The following STXBP5L variants were observed in gnomAD, a reference collection of about 807,000 sequenced individuals.
The protein encoded by STXBP5L is syntaxin binding protein 5L, also known as syntaxin-binding protein 5-like.
STXBP5L carries 65 observed loss-of-function variants against 144.5 expected under a neutral mutation model. The ratio of observed to expected loss-of-function variants is 0.45; its 90% CI spans 0.37 to 0.55. The LOEUF (loss-of-function observed/expected upper bound fraction) is 0.55, where lower values mean the gene tolerates loss of function less well. Ranked by LOEUF, STXBP5L falls within the 20% of genes least tolerant of loss-of-function variation. The probability of loss-of-function intolerance (pLI) is 0.00; values close to 1 mark genes in which losing one functional copy is unlikely to be tolerated. For synonymous variants in STXBP5L, 505 were observed against 469.6 expected, an observed-to-expected ratio of 1.08 and a Z score of -0.97; for missense variants, 1,298 against 1,405.5, an observed-to-expected ratio of 0.92 and a Z score of 1.22.
intron 2 of STXBP5L, among the ~76,000 whole-genome samples, chr3:120,914,450 T>C (rs953692009): frequency 1.3e-5 from 2 of 152,060 alleles, no homozygotes; most frequent in African/African-American, 4.8e-5. Flanking sequence ...TCTGACATAA[T>C]ATCAGATCGT....
At chr3:121,002,133 T>A (rs1225930553) in intron 3 of STXBP5L, among the ~76,000 whole-genome samples, 1 of 152,218 alleles carries the variant, frequency 6.6e-6, no homozygotes, top group African/African-American at 2.4e-5. Context: ...CTTTTTACTG[T>A]TTTCCAAAAT....
intron 9 of STXBP5L, among the ~76,000 whole-genome samples, chr3:121,198,250 T>C (rs2047999403): frequency 6.6e-6 from 1 of 152,242 alleles, no homozygotes; most frequent in Non-Finnish European, 1.5e-5. Context: ...CCAGTGATGA[T>C]GAACCTTTTT....
intron 19 of STXBP5L, among the ~76,000 whole-genome samples, chr3:121,300,646 G>A (rs1035287158): frequency 2.0e-5 from 3 of 151,912 alleles, no homozygotes; most frequent in African/African-American, 7.3e-5. Context: ...GAGAGGTGTA[G>A]CTAAGAAGCC....
At chr3:121,116,302 G>A (rs976461581) in intron 6 of STXBP5L, among the ~76,000 whole-genome samples, 3 of 152,128 alleles carry the variant, frequency 2.0e-5, no homozygotes, top group South Asian at 4.2e-4. Flanking sequence ...GAAGCTTGAC[G>A]CTGGAAATAA....
At position 121,421,241 on chromosome 3, in the gene STXBP5L, T is replaced by C. The variant is rs2047346993; in HGVS notation, c.*2144T>C. The C allele has an allele frequency of 6.6e-6, 1 of 152,178 alleles. No homozygotes were observed. Among genetic ancestry groups the C allele is most frequent in the Admixed American group, 6.5e-5 (1 of 15,270 alleles). The allele number at this position is 152,178 out of a possible 1,614,324, so 9.4% of individuals were successfully genotyped here. On this transcript the variant is annotated 3_prime_UTR_variant, in exon 27 of 27. Coordinates refer to ENST00000471454, the MANE Select transcript of STXBP5L (RefSeq NM_001308330.2). The stretch of plus-strand genomic sequence containing the variant: ...CTAAAAGAGTAAAATATTAGTTTAT[T>C]TTAGAAATAATGAAATTCAGTCCAA...
At chr3:121,287,759 G>A (rs1325900447) in intron 19 of STXBP5L, among the ~76,000 whole-genome samples, 1 of 151,916 alleles carries the variant, frequency 6.6e-6, no homozygotes, top group Non-Finnish European at 1.5e-5. Flanking sequence ...AACCCAGGAG[G>A]CAGAGGTTGC....
In STXBP5L at chr3:121,255,644, CTCA is replaced by C. The variant is rs555216966; in HGVS notation, c.1659+536_1659+538del. Among the ~76,000 whole-genome samples, 183 of 151,952 alleles carry C rather than the reference CTCA, an allele frequency of 1.2e-3. 1 individual carries two copies. Among genetic ancestry groups the C allele is most frequent in the Non-Finnish European group, 2.3e-3 (157 of 67,828 alleles). On this transcript the variant is annotated intron_variant, in intron 16 of 26. Coordinates refer to ENST00000471454, the MANE Select transcript of STXBP5L (RefSeq NM_001308330.2). ...TTTAAGTTTATCTGATTTGTATTTT[CTCA>C]TCAACTGTTTGACATAAATAATTAT...
At chr3:121,131,011 G>A (rs2044962240) in intron 7 of STXBP5L, among the ~76,000 whole-genome samples, 1 of 151,930 alleles carries the variant, frequency 6.6e-6, no homozygotes, top group Admixed American at 6.6e-5. Context: ...AGAAAATAAA[G>A]CAAAAGGAAA....
chr3:121,066,630 A>G lies in STXBP5L; in HGVS notation c.470+21095A>G, dbSNP rs536724412. Among the ~76,000 whole-genome samples the G allele has an allele frequency of 3.3e-5, 5 of 152,198 alleles. No homozygotes were observed. The South Asian group carries it at 1.0e-3, about 32-fold the overall frequency. On this transcript the variant is annotated intron_variant, in intron 5 of 26. Coordinates refer to ENST00000471454, the MANE Select transcript of STXBP5L (RefSeq NM_001308330.2). ...CTGGGTTTGCTAATATTTTGCTAAT[A>G]AGTTGAGATTTTAATCTCTATGTTC...
At chr3:121,065,265 G>T (rs1298071224) in intron 5 of STXBP5L, among the ~76,000 whole-genome samples, 1 of 152,060 alleles carries the variant, frequency 6.6e-6, no homozygotes, top group Non-Finnish European at 1.5e-5. Context: ...CCAGTAATGG[G>T]ATTGCTGGGT....
intron 7 of STXBP5L, among the ~76,000 whole-genome samples, chr3:121,127,102 T>C (rs2044742799): frequency 1.3e-5 from 2 of 148,580 alleles, no homozygotes; most frequent in Admixed American, 6.6e-5. Flanking sequence ...GAACAATTAA[T>C]TACTGATTTA....
intron 3 of STXBP5L, among the ~76,000 whole-genome samples, chr3:120,960,083 G>A (rs561163209): frequency 5.8e-4 from 88 of 152,110 alleles, no homozygotes; most frequent in African/African-American, 8.2e-4. Flanking sequence ...CAACCCCATC[G>A]AAAAGTGGGC....
intron 3 of STXBP5L, among the ~76,000 whole-genome samples, chr3:121,011,255 A>C (rs1199363279): frequency 1.3e-5 from 2 of 151,364 alleles, no homozygotes; most frequent in Admixed American, 1.3e-4. Context: ...TCTCTGAATC[A>C]GTAAAATCCC....
chr3:121,354,508 C>CTTTTTTTTTTTT (rs145703750), intron 20 of STXBP5L, among the ~76,000 whole-genome samples: 8 of 67,542 alleles, frequency 1.2e-4, no homozygotes, highest in Non-Finnish European at 1.6e-4. Flanking sequence ...TGCAACCCTG[C>CTTTTTTTTTTTT]TTTTTTTTTT....
chr3:121,303,092 G>C (rs1407698198), intron 19 of STXBP5L, among the ~76,000 whole-genome samples: 2 of 152,052 alleles, frequency 1.3e-5, no homozygotes, highest in East Asian at 1.9e-4. Context: ...GAGTGAACAG[G>C]CAACCTACAA....
intron 3 of STXBP5L, among the ~76,000 whole-genome samples, chr3:121,030,478 A>T (rs1018058531): frequency 1.3e-5 from 2 of 152,146 alleles, no homozygotes; most frequent in African/African-American, 2.4e-5. Flanking sequence ...GAGTTGAACA[A>T]TGAGAACACA....
chr3:121,159,627 C>CTTT (rs1161847567), intron 9 of STXBP5L, among the ~76,000 whole-genome samples: 100 of 121,946 alleles, frequency 8.2e-4, no homozygotes, highest in African/African-American at 1.9e-3. Context: ...TGTACATTTT[C>CTTT]TTTTTTTTTT....
intron 3 of STXBP5L, among the ~76,000 whole-genome samples, chr3:121,013,186 G>T (rs1245957079): frequency 6.6e-6 from 1 of 151,900 alleles, no homozygotes; most frequent in Non-Finnish European, 1.5e-5. Context: ...TTGGTGGAAT[G>T]ATTTATTTTC....
At chr3:121,086,922 T>C (rs1338853464) in intron 5 of STXBP5L, among the ~76,000 whole-genome samples, 1 of 152,094 alleles carries the variant, frequency 6.6e-6, no homozygotes, top group African/African-American at 2.4e-5. Context: ...TCAGAACTTA[T>C]GCCCATTGTT....
Sources: gnomAD v4.1 joint callset for allele counts (sites outside exome capture counted in the v4.1 genomes callset) on GRCh38, gnomAD v4.1.1 for gene constraint, MANE v1.5 for transcripts, NCBI Gene and HGNC (gene_info 2026-07-23, HGNC 2026-07-21) for gene names.